The following DTNA variants were observed in gnomAD, a reference collection of about 807,000 sequenced individuals.
DTNA encodes the protein dystrophin-related protein 3.
A neutral mutation model predicts 100.7 loss-of-function variants in DTNA; 43 were observed. That is an observed-to-expected ratio of 0.43 (90% confidence interval 0.33 to 0.55). The LOEUF (loss-of-function observed/expected upper bound fraction) is 0.55. DTNA is among the 20% of genes least tolerant of loss of function. The pLI is 0.04. For missense variants in DTNA, 798 were observed against 953.9 expected, an observed-to-expected ratio of 0.84 and a Z score of 2.15; for synonymous variants, 349 against 347.9, an observed-to-expected ratio of 1.00 and a Z score of -0.04.
chr18:34,814,853 G>C (rs1164434569), intron 6 of DTNA, among the ~76,000 whole-genome samples: 1 of 152,114 alleles, frequency 6.6e-6, no homozygotes, highest in African/African-American at 2.4e-5. Context: ...AATCATAATA[G>C]CATTGTTGGA....
In DTNA at chr18:34,838,127, C is replaced by G; in HGVS notation, c.1209C>G (p.Asn403Lys). ...CCAAGGACAGTGAAGTAGAGCAGAA[C>G]AAACTGCTGGCTAGGGCTGCTCCAG... ...SPPKDSEVEQ[N>K]KLLARAAPAF... The change falls in exon 12 of 23, where the codon AAC becomes AAG. Residue 403 changes from asparagine to lysine, a missense_variant. Coordinates refer to ENST00000444659, the MANE Select transcript of DTNA (RefSeq NM_001386795.1). 1 of 1,613,858 alleles carries G rather than the reference C, an allele frequency of 6.2e-7. No individual in the cohort carries two copies. The highest frequency in any genetic ancestry group is 8.5e-7 in the Non-Finnish European group (1 of 1,179,844).
At chr18:34,622,942 A>G (rs770946357) in intron 1 of DTNA, among the ~76,000 whole-genome samples, 8 of 152,162 alleles carry the variant, frequency 5.3e-5, no homozygotes, top group Non-Finnish European at 8.8e-5. Flanking sequence ...CCTCTCCCAT[A>G]TATCTGTTTA....
intron 1 of DTNA, among the ~76,000 whole-genome samples, chr18:34,621,516 C>T (rs533466285): frequency 7.2e-5 from 11 of 152,142 alleles, no homozygotes; most frequent in African/African-American, 2.7e-4. Flanking sequence ...AAAATTCTGT[C>T]ATATGTAACA....
Position 34,848,323 on chromosome 18 carries a change from T to C in DTNA, c.1374T>C (p.Asp458=). Residue 458 remains aspartate (D), a synonymous_variant, in exon 14 of 23, where the codon GAT becomes GAC. Transcript: ENST00000444659. ...TGCTTGAGAGTTCAAACCGGCTTGA[T>C]GAAGAACACAGGCTAATTGCCAGGT... ...SCMLESSNRL[D]EEHRLIARYA... is the part of the protein sequence containing the mutation. 6.2e-7 allele frequency: 1 copy of C among 1,614,080 alleles called. No homozygotes were observed. Among genetic ancestry groups the C allele is most frequent in the Non-Finnish European group, 8.5e-7 (1 of 1,179,954 alleles).
chr18:34,715,477 T>G (rs1250069396), intron 1 of DTNA, among the ~76,000 whole-genome samples: 1 of 150,454 alleles, frequency 6.6e-6, no homozygotes, highest in Non-Finnish European at 1.5e-5. Flanking sequence ...TGTTTTTAAT[T>G]TTTTAATTAT....
intron 1 of DTNA, among the ~76,000 whole-genome samples, chr18:34,749,710 T>G (rs2092119933): frequency 6.6e-6 from 1 of 151,554 alleles, no homozygotes; most frequent in South Asian, 2.1e-4. Context: ...GAGTAGAAGA[T>G]GATATTCAAA....
intron 1 of DTNA, among the ~76,000 whole-genome samples, chr18:34,701,236 A>G (rs1054826204): frequency 4.6e-5 from 7 of 152,132 alleles, no homozygotes; most frequent in Admixed American, 2.6e-4. Flanking sequence ...CTTGACCTCT[A>G]TCCTTCTCCT....
intron 9 of DTNA, among the ~76,000 whole-genome samples, chr18:34,823,098 A>G (rs1464612263): frequency 6.6e-6 from 1 of 152,176 alleles, no homozygotes; most frequent in African/African-American, 2.4e-5. Context: ...TTCTTTTTCA[A>G]ATGCTATTGT....
intron 17 of DTNA, chr18:34,865,967 G>A (rs1568841303): frequency 5.7e-6 from 5 of 870,030 alleles, no homozygotes; most frequent in Non-Finnish European, 9.8e-6. Context: ...TAGACTTGGA[G>A]TGATAGTCAC....
At chr18:34,873,564 G>A (rs1426135537) in intron 17 of DTNA, among the ~76,000 whole-genome samples, 1 of 152,192 alleles carries the variant, frequency 6.6e-6, no homozygotes, top group East Asian at 1.9e-4. Context: ...CCCCAGCCCT[G>A]CCCCTCTGAC....
At chr18:34,824,572 T>TA (rs1289631036) in intron 9 of DTNA, among the ~76,000 whole-genome samples, 22 of 151,084 alleles carry the variant, frequency 1.5e-4, no homozygotes, top group Admixed American at 8.6e-4. Flanking sequence ...TAAAGTAAAA[T>TA]AAAAAAAATG....
At chr18:34,718,482 A>G (rs554410449) in intron 1 of DTNA, among the ~76,000 whole-genome samples, 33 of 152,236 alleles carry the variant, frequency 2.2e-4, no homozygotes, top group African/African-American at 7.0e-4. Context: ...TCTTTACCCC[A>G]TTTTGATGGA....
At chr18:34,867,786 C>T (rs1007537169) in intron 17 of DTNA, 6 of 985,400 alleles carry the variant, frequency 6.1e-6, no homozygotes, top group Non-Finnish European at 7.2e-6. Flanking sequence ...TGGCAGTGCC[C>T]CCAAGGTGGC....
intron 3 of DTNA, among the ~76,000 whole-genome samples, chr18:34,775,574 A>G (rs1601818941): frequency 6.6e-6 from 1 of 152,386 alleles, no homozygotes; most frequent in East Asian, 1.9e-4. Flanking sequence ...TTGAAGGGAC[A>G]GATGAATTTG....
At position 34,824,086 on chromosome 18, in the gene DTNA, A is replaced by G. The variant is rs2095794215; in HGVS notation, c.1001+3171A>G. Among the ~76,000 whole-genome samples the G allele has an allele frequency of 2.0e-5, 3 of 152,380 alleles. No homozygotes were observed. In the South Asian group the frequency reaches 6.2e-4, roughly 32 times the overall value. On this transcript the variant is annotated intron_variant, in intron 9 of 22. Coordinates refer to ENST00000444659, the MANE Select transcript of DTNA (RefSeq NM_001386795.1). ...AACTGTATGTCCTTACATAGTGCTGAAATATGTAGAACATTATAGAGCTCA... is the reference window on the plus strand; with the variant it reads ...AACTGTATGTCCTTACATAGTGCTGGAATATGTAGAACATTATAGAGCTCA...
chr18:34,493,713 C>T (rs1255273504), intron 1 of DTNA, among the ~76,000 whole-genome samples: 1 of 149,020 alleles, frequency 6.7e-6, no homozygotes, highest in Non-Finnish European at 1.5e-5. Context: ...ACCGCAGCCG[C>T]CCACGGCGCC....
chr18:34,611,116 C>T (rs2054130565), intron 1 of DTNA, among the ~76,000 whole-genome samples: 1 of 152,082 alleles, frequency 6.6e-6, no homozygotes, highest in Non-Finnish European at 1.5e-5. Context: ...CTATAAAATG[C>T]ATACAACATA....
chr18:34,614,521 G>T (rs1341970016), intron 1 of DTNA, among the ~76,000 whole-genome samples: 2 of 152,180 alleles, frequency 1.3e-5, no homozygotes, highest in African/African-American at 4.8e-5. Context: ...GATATTTGTG[G>T]TTCATGGCAG....
chr18:34,554,153 G>A (rs1423706226), intron 1 of DTNA, among the ~76,000 whole-genome samples: 10 of 130,102 alleles, frequency 7.7e-5, no homozygotes, highest in Non-Finnish European at 1.5e-4. Flanking sequence ...GTGAATGGGA[G>A]TTCACTCATG....
Sources: allele counts gnomAD v4.1 joint callset (sites outside exome capture counted in the v4.1 genomes callset), GRCh38; gene constraint gnomAD v4.1.1; transcripts MANE v1.5; gene names NCBI Gene and HGNC (gene_info 2026-07-23, HGNC 2026-07-21).